The following TRMT2B variants were observed in gnomAD, a reference collection of about 807,000 sequenced individuals.
TRMT2B encodes the protein tRNA (uracil-5-)-methyltransferase homolog B.
TRMT2B carries 34 observed loss-of-function variants against 39.7 expected under a neutral mutation model. The observed-to-expected ratio is 0.86, with a 90% CI of 0.65 to 1.14. TRMT2B has a LOEUF of 1.14. Among genes scored for constraint, TRMT2B ranks in the 50% most tolerant of loss-of-function variants. The pLI is 0.00. For synonymous variants in TRMT2B, 132 were observed against 137.3 expected, an observed-to-expected ratio of 0.96 and a Z score of 0.27; for missense variants, 318 against 377.2, an observed-to-expected ratio of 0.84 and a Z score of 1.30.
the TRMT2B span, chrX:100,990,714 G>T: frequency 1.5e-6 from 1 of 680,371 alleles, no homozygotes; most frequent in South Asian, 3.1e-5. Flanking sequence ...AGTCATGGGT[G>T]ATCAACCAAA....
At position 101,020,560 on chromosome X, in the gene TRMT2B, A is replaced by G. The variant is rs1437046721; in HGVS notation, c.1095T>C (p.His365=). 1 of 1,209,193 alleles carries G rather than the reference A, an allele frequency of 8.3e-7. No homozygotes were observed. Among genetic ancestry groups the G allele is most frequent in the Non-Finnish European group, 1.1e-6 (1 of 894,202 alleles). ...ATTCAATCCCAAGGACCCGAGATGT[A>G]TGCTGAGCCAGAGAGAGGCCAATCA... is the stretch of plus-strand genomic sequence containing the variant. ...TGVIGLSLAQ[H]TSRVLGIELL... Residue 365 remains histidine, a synonymous_variant, in exon 11 of 14, where the codon CAT becomes CAC. Transcript: ENST00000372936.
the TRMT2B span, chrX:100,988,415 C>A: frequency 8.3e-7 from 1 of 1,203,394 alleles, no homozygotes; most frequent in South Asian, 1.8e-5. Flanking sequence ...AAGAATATGT[C>A]AGTAACATTT....
chrX:101,030,160 T>C (rs1347740859), intron 7 of TRMT2B, among the ~76,000 whole-genome samples: 1 of 111,249 alleles, frequency 9.0e-6, no homozygotes, highest in Non-Finnish European at 1.9e-5. Context: ...CTTGGGAGGC[T>C]AAGGCATGAG....
chrX:101,011,404 C>G (rs2086247075), intron 13 of TRMT2B, among the ~76,000 whole-genome samples: 2 of 111,192 alleles, frequency 1.8e-5, no homozygotes. Context: ...TCAACCTGGA[C>G]AGCATAGTGA....
At chrX:101,006,302 T>A (rs535235312), downstream of TRMT2B, among the ~76,000 whole-genome samples, 14 of 111,731 alleles carry the variant, frequency 1.3e-4, no homozygotes, top group South Asian at 5.3e-3. Flanking sequence ...TATCTTTTTG[T>A]GAAACATCAG....
At chrX:100,983,378 C>CT in the TRMT2B span, among the ~76,000 whole-genome samples, 3 of 109,551 alleles carry the variant, frequency 2.7e-5, no homozygotes, top group Middle Eastern at 4.3e-3. Context: ...TTTTTTGAGA[C>CT]AGACGTCTCG....
chrX:101,032,932 A>G (rs2087583577), intron 7 of TRMT2B, among the ~76,000 whole-genome samples: 1 of 110,832 alleles, frequency 9.0e-6, no homozygotes, highest in South Asian at 3.7e-4. Context: ...AATATTGATG[A>G]ATATCTGACA....
chrX:101,004,348 A>C (rs907431507), downstream of TRMT2B, among the ~76,000 whole-genome samples: 3 of 110,350 alleles, frequency 2.7e-5, no homozygotes, highest in African/African-American at 9.9e-5. Context: ...GAAAAAAAAA[A>C]CCATATTTTG....
At chrX:100,975,213 C>A in the TRMT2B span, among the ~76,000 whole-genome samples, 1 of 112,029 alleles carries the variant, frequency 8.9e-6, no homozygotes, top group Non-Finnish European at 1.9e-5. Context: ...GCTCTCTGCA[C>A]ATGCCCTCTG....
chrX:101,039,417 C>T (rs995809292), intron 4 of TRMT2B, among the ~76,000 whole-genome samples: 3 of 112,035 alleles, frequency 2.7e-5, no homozygotes, highest in Non-Finnish European at 3.8e-5. Flanking sequence ...GTCAGCCCTG[C>T]TATAACATGA....
At position 101,042,156 on chromosome X, in the gene TRMT2B, C is replaced by T. The variant is rs200218506; in HGVS notation, c.134G>A (p.Gly45Asp). ...NPPGWSQLFL[G>D]TVCKGDFTRV... ...GGTGAAATCTCCCTTACATACTGTG[C>T]CCAGAAAGAGCTGTGACCATCCTGG... The change falls in exon 3 of 14, where the codon GGC (glycine) becomes GAC (aspartate). Residue 45 changes from glycine to aspartate, a missense_variant. By Grantham distance (94) the Gly-to-Asp change is moderately conservative (BLOSUM62 -1). Transcript: ENST00000372936. 8.3e-7 allele frequency: 1 copy of T among 1,210,589 alleles called. No individual in the cohort carries two copies. Among genetic ancestry groups the T allele is most frequent in the Non-Finnish European group, 1.1e-6 (1 of 895,370 alleles).
At chrX:100,989,526 C>T in the TRMT2B span, among the ~76,000 whole-genome samples, 5 of 108,630 alleles carry the variant, frequency 4.6e-5, no homozygotes, top group African/African-American at 1.7e-4. Flanking sequence ...AGGAGAATCG[C>T]TTGAACCCAG....
chrX:101,041,924 C>T (rs1352285855), intron 3 of TRMT2B, 118 bp downstream of exon 3: 4 of 939,101 alleles, frequency 4.3e-6, no homozygotes, highest in Non-Finnish European at 5.9e-6. Context: ...GGGTATCCTA[C>T]CTCAGGTGGC....
chrX:101,024,128 G>A (rs2086937243), intron 7 of TRMT2B, among the ~76,000 whole-genome samples: 1 of 111,355 alleles, frequency 9.0e-6, no homozygotes, highest in African/African-American at 3.3e-5. Flanking sequence ...GATTACAGCC[G>A]TGAGCCACCG....
chrX:101,012,646 G>A (rs759326145), intron 13 of TRMT2B, among the ~76,000 whole-genome samples: 7 of 109,934 alleles, frequency 6.4e-5, no homozygotes, highest in East Asian at 2.9e-4. Context: ...ACATGCACAC[G>A]TATGTTTATT....
At chrX:101,024,236 G>A (rs1017441345) in intron 7 of TRMT2B, among the ~76,000 whole-genome samples, 1 of 111,646 alleles carries the variant, frequency 9.0e-6, no homozygotes, top group Non-Finnish European at 1.9e-5. Flanking sequence ...ACAGCAAGAA[G>A]GTGTCTATGC....
intron 8 of TRMT2B, 85 bp downstream of exon 8, chrX:101,023,385 A>G (rs970552273): frequency 2.0e-6 from 2 of 982,555 alleles, no homozygotes; most frequent in Non-Finnish European, 1.4e-6. Flanking sequence ...TTTCTGCTAT[A>G]TGCCCTGAAA....
At chrX:101,010,974 C>T (rs2086224840) in intron 13 of TRMT2B, among the ~76,000 whole-genome samples, 1 of 111,902 alleles carries the variant, frequency 8.9e-6, no homozygotes. Flanking sequence ...GGGTTCAATA[C>T]ATATTTGGTA....
At chrX:101,012,025 G>T in intron 13 of TRMT2B, among the ~76,000 whole-genome samples, 1 of 111,985 alleles carries the variant, frequency 8.9e-6, no homozygotes, top group Non-Finnish European at 1.9e-5. Context: ...CTGTTTTACA[G>T]TTAACTTTTA....
Sources: gnomAD v4.1 joint callset for allele counts (sites outside exome capture counted in the v4.1 genomes callset) on GRCh38, gnomAD v4.1.1 for gene constraint, MANE v1.5 for transcripts, NCBI Gene and HGNC (gene_info 2026-07-23, HGNC 2026-07-21) for gene names.